ASCC3: variants seen among roughly 807,000 people sequenced by gnomAD.
ASCC3 encodes the protein ASC-1 complex subunit P200.
ASCC3 carries 158 observed loss-of-function variants against 256.3 expected under a neutral mutation model. The observed-to-expected ratio is 0.62, with a 90% CI of 0.54 to 0.70. The LOEUF (loss-of-function observed/expected upper bound fraction) is 0.70, where lower values mean the gene tolerates loss of function less well. Ranked by LOEUF, ASCC3 falls within the 30% of genes least tolerant of loss-of-function variation. The pLI, the probability that ASCC3 is intolerant of heterozygous loss-of-function variation, is 0.00. For synonymous variants in ASCC3, 948 were observed against 883.4 expected, an observed-to-expected ratio of 1.07 and a Z score of -1.30; for missense variants, 2,259 against 2,626.0, an observed-to-expected ratio of 0.86 and a Z score of 3.05.
In ASCC3 at chr6:100,652,896, C is replaced by CA. The variant is rs762436253; in HGVS notation, c.2824-8dup. The CA allele has an allele frequency of 1.4e-5, 23 of 1,612,232 alleles. No individual in the cohort carries two copies. In the African/African-American group the frequency reaches 2.5e-4, roughly 18 times the overall value. Reference sequence around the variant, plus strand: ...TTCTTAATGTTGGGTCAATCTATGGCAAAAAATATATAAACAGTTGAATAG... The same window carrying CA: ...TTCTTAATGTTGGGTCAATCTATGGCAAAAAAATATATAAACAGTTGAATAG... On this transcript the variant is annotated splice_region_variant and splice_polypyrimidine_tract_variant and intron_variant, in intron 17 of 41. Coordinates refer to ENST00000369162, the MANE Select transcript of ASCC3 (RefSeq NM_006828.4).
chr6:100,582,929 G>A (rs1313203232), intron 36 of ASCC3, among the ~76,000 whole-genome samples: 2 of 152,184 alleles, frequency 1.3e-5, no homozygotes, highest in Admixed American at 6.5e-5. Context: ...GCATCCCAGA[G>A]ATGAAGCCCA....
intron 11 of ASCC3, among the ~76,000 whole-genome samples, chr6:100,721,062 T>C (rs1307038633): frequency 6.6e-6 from 1 of 151,236 alleles, no homozygotes; most frequent in Non-Finnish European, 1.5e-5. Flanking sequence ...AAAAATATTA[T>C]GATATATAAT....
chr6:100,724,895 G>A (rs1329364314), intron 11 of ASCC3, among the ~76,000 whole-genome samples: 2 of 151,956 alleles, frequency 1.3e-5, no homozygotes, highest in African/African-American at 4.8e-5. Flanking sequence ...TGTAGTCTAG[G>A]AATGTCTACT....
At position 100,661,905 on chromosome 6, in the gene ASCC3, T is replaced by G; in HGVS notation, c.2604A>C (p.Thr868=). The G allele has an allele frequency of 6.2e-7, 1 of 1,613,488 alleles. No homozygotes were observed. Among genetic ancestry groups the G allele is most frequent in the Non-Finnish European group, 8.5e-7 (1 of 1,179,552 alleles). ...FDKFGEGIII[T]THDKLSHYLT... is the part of the protein sequence containing the mutation. ...GGTAATGGCTGAGTTTATCATGCGT[T>G]GTTATAATTATTCCTTCCCCAAATT... The change falls in exon 16 of 42, where the codon ACA becomes ACC. Residue 868 remains threonine (T), a synonymous_variant. Coordinates refer to ENST00000369162, the MANE Select transcript of ASCC3 (RefSeq NM_006828.4).
intron 39 of ASCC3, 58 bp downstream of exon 39, chr6:100,516,122 T>C (rs1272031147): frequency 1.2e-6 from 2 of 1,610,286 alleles, no homozygotes; most frequent in African/African-American, 1.3e-5. Flanking sequence ...GTTAGAAAAC[T>C]CTTGGTACAC....
chr6:100,532,406 ATTTTTT>A (rs57203625), intron 37 of ASCC3, among the ~76,000 whole-genome samples: 1,446 of 48,304 alleles, frequency 0.03, 24 homozygotes, highest in East Asian at 0.16. Flanking sequence ...ATATATATAT[ATTTTTT>A]TTTTTTTTTT....
chr6:100,878,355 T>C (rs1358771811), intron 1 of ASCC3, among the ~76,000 whole-genome samples: 1 of 152,196 alleles, frequency 6.6e-6, no homozygotes, highest in Non-Finnish European at 1.5e-5. Flanking sequence ...CTGGACAGGC[T>C]CATAACTATA....
intron 4 of ASCC3, among the ~76,000 whole-genome samples, chr6:100,812,748 A>T (rs906872986): frequency 2.0e-5 from 3 of 151,996 alleles, no homozygotes; most frequent in Non-Finnish European, 2.9e-5. Context: ...TGGGCAACAT[A>T]GCAAGACTCC....
In ASCC3 at chr6:100,762,879, G is replaced by T. The variant is rs528229038; in HGVS notation, c.1737+3686C>A. Among the ~76,000 whole-genome samples the T allele has an allele frequency of 4.6e-5, 7 of 152,236 alleles. No homozygotes were observed. The South Asian group carries it at 1.4e-3, about 32-fold the overall frequency. The stretch of plus-strand genomic sequence containing the variant: ...ATGGCATGGCAGAAAATTTGCAAAT[G>T]AGATTAATTTGCCTTCCTATATTTA... On this transcript the variant is annotated intron_variant, in intron 10 of 41. Coordinates refer to ENST00000369162, the MANE Select transcript of ASCC3 (RefSeq NM_006828.4).
Position 100,582,986 on chromosome 6 carries a change from T to G in ASCC3, c.5550+6648A>C, listed in dbSNP as rs547318310. ...TTTTGATGTGCTGCTGGATTCAGTG[T>G]GCCAGTATTTTATTGAGGATTTTTG... On this transcript the variant is annotated intron_variant, in intron 36 of 41. Transcript: ENST00000369162. 1.2e-4 allele frequency among the ~76,000 whole-genome samples: 18 copies of G among 152,340 alleles called. No individual in the cohort carries two copies. In the East Asian group the frequency reaches 3.5e-3, roughly 29 times the overall value.
At chr6:100,768,127 C>A (rs986441095) in intron 8 of ASCC3, among the ~76,000 whole-genome samples, 15 of 152,056 alleles carry the variant, frequency 9.9e-5, no homozygotes, top group Non-Finnish European at 2.9e-5. Context: ...TATAAAAAAA[C>A]CTTTTTTTAA....
At chr6:100,783,430 A>G (rs1026610393) in intron 8 of ASCC3, among the ~76,000 whole-genome samples, 5 of 152,186 alleles carry the variant, frequency 3.3e-5, no homozygotes, top group African/African-American at 1.2e-4. Flanking sequence ...CTGCAAGCCT[A>G]AATCACATCT....
At chr6:100,748,831 C>T (rs371259566) in intron 10 of ASCC3, among the ~76,000 whole-genome samples, 69 of 152,022 alleles carry the variant, frequency 4.5e-4, no homozygotes, top group African/African-American at 1.6e-3. Flanking sequence ...CTACCTGGAG[C>T]GCCAAGAAGT....
chr6:100,699,234 C>G (rs239214), intron 13 of ASCC3, among the ~76,000 whole-genome samples: 2 of 152,204 alleles, frequency 1.3e-5, no homozygotes, highest in East Asian at 3.9e-4. Flanking sequence ...GGGACTAACA[C>G]GGTGGGAGGT....
At chr6:100,611,452 C>T (rs1773392082) in intron 30 of ASCC3, among the ~76,000 whole-genome samples, 1 of 151,904 alleles carries the variant, frequency 6.6e-6, no homozygotes, top group African/African-American at 2.4e-5. Flanking sequence ...CATCTTAAGA[C>T]AAGCAAAAGT....
At chr6:100,608,418 A>G (rs1189866543) in intron 30 of ASCC3, among the ~76,000 whole-genome samples, 1 of 71,986 alleles carries the variant, frequency 1.4e-5, no homozygotes, top group African/African-American at 6.7e-5. Context: ...TATACCTTAT[A>G]TATATTTTAT....
At chr6:100,589,464 G>A (rs569105191) in intron 36 of ASCC3, among the ~76,000 whole-genome samples, 170 bp downstream of exon 36, 25 of 152,090 alleles carry the variant, frequency 1.6e-4, no homozygotes, top group African/African-American at 4.6e-4. Context: ...TAAATTATGT[G>A]GTCACCTTAT....
At chr6:100,796,663 A>C (rs1432418953) in intron 8 of ASCC3, among the ~76,000 whole-genome samples, 1 of 152,166 alleles carries the variant, frequency 6.6e-6, no homozygotes, top group Non-Finnish European at 1.5e-5. Flanking sequence ...ACTACCTGCA[A>C]GCCAGGAAGA....
chr6:100,826,058 C>T (rs1192179186), intron 4 of ASCC3, among the ~76,000 whole-genome samples: 1 of 151,976 alleles, frequency 6.6e-6, no homozygotes, highest in East Asian at 1.9e-4. Flanking sequence ...ACTCAATATG[C>T]AGTCAAACAA....
Sources: gnomAD v4.1 joint callset for allele counts (sites outside exome capture counted in the v4.1 genomes callset) on GRCh38, gnomAD v4.1.1 for gene constraint, MANE v1.5 for transcripts, NCBI Gene and HGNC (gene_info 2026-07-23, HGNC 2026-07-21) for gene names.